The following NEGR1 variants were observed in gnomAD, a reference collection of about 807,000 sequenced individuals.
NEGR1 encodes the protein neuronal growth regulator 1.
In NEGR1, 10 loss-of-function variants were observed where a neutral mutation model predicts 40.9. The ratio of observed to expected loss-of-function variants is 0.24; its 90% CI spans 0.15 to 0.42. The LOEUF is 0.42. Ranked by LOEUF, NEGR1 falls within the 10% of genes least tolerant of loss-of-function variation. The pLI, the probability that NEGR1 is intolerant of heterozygous loss-of-function variation, is 1.00. For synonymous variants in NEGR1, 185 were observed against 166.8 expected, an observed-to-expected ratio of 1.11 and a Z score of -0.84; for missense variants, 352 against 438.9, an observed-to-expected ratio of 0.80 and a Z score of 1.77.
chr1:72,116,641 T>C (rs1196993334), intron 1 of NEGR1, among the ~76,000 whole-genome samples: 1 of 151,762 alleles, frequency 6.6e-6, no homozygotes, highest in Non-Finnish European at 1.5e-5. Context: ...CCTTAAAAAG[T>C]AGTTTTAATT....
intron 4 of NEGR1, among the ~76,000 whole-genome samples, chr1:71,661,677 T>C (rs989238555): frequency 3.9e-5 from 6 of 152,120 alleles, no homozygotes; most frequent in African/African-American, 1.4e-4. Context: ...ATGTGAAAAA[T>C]GAGAATTAGA....
chr1:71,653,253 A>T lies in NEGR1; in HGVS notation c.668-42107T>A, dbSNP rs1044518566. On this transcript the variant is annotated intron_variant, in intron 4 of 6. Transcript: ENST00000357731. ...ACTCTCCTTTTAATCTACAGTCTTTAATTTAACTAAAATACTTGTTGGAAT... is the reference window on the plus strand; with the variant it reads ...ACTCTCCTTTTAATCTACAGTCTTTTATTTAACTAAAATACTTGTTGGAAT... Among the ~76,000 whole-genome samples, 9 of 152,366 alleles carry T rather than the reference A, an allele frequency of 5.9e-5. No homozygotes were observed. In the East Asian group the frequency reaches 1.7e-3, roughly 29 times the overall value.
chr1:71,567,849 A>G (rs542272921), intron 6 of NEGR1, among the ~76,000 whole-genome samples: 7 of 147,832 alleles, frequency 4.7e-5, no homozygotes, highest in Non-Finnish European at 1.0e-4. Flanking sequence ...TTTTTTTTAT[A>G]AGATAGACCC....
chr1:71,944,005 T>C lies in NEGR1; in HGVS notation c.177-8694A>G, dbSNP rs114455408. On this transcript the variant is annotated intron_variant, in intron 1 of 6. Transcript: ENST00000357731. Reference sequence around the variant, plus strand: ...AAGGCTAGCTTTGTTCCAATGGCTTTAAACATGAATTAAGCAGAAAATTTC... The same window carrying C: ...AAGGCTAGCTTTGTTCCAATGGCTTCAAACATGAATTAAGCAGAAAATTTC... Among the ~76,000 whole-genome samples, 1,032 of 152,328 alleles carry C rather than the reference T, an allele frequency of 6.8e-3. 7 individuals carry two copies. The highest frequency in any genetic ancestry group is 0.011 in the Non-Finnish European group (731 of 68,018).
intron 3 of NEGR1, among the ~76,000 whole-genome samples, chr1:71,727,294 A>G (rs1241376243): frequency 1.3e-5 from 2 of 152,116 alleles, no homozygotes; most frequent in Non-Finnish European, 2.9e-5. Flanking sequence ...CATAATTTTA[A>G]TATACCATAT....
rs544168467 is a variant in NEGR1, at chr1:72,233,879, C to T, written c.176+48440G>A. On this transcript the variant is annotated intron_variant, in intron 1 of 6. Coordinates refer to ENST00000357731, the MANE Select transcript of NEGR1 (RefSeq NM_173808.3). ...TTTGAGAAATCTCCAAACTGCCTGCCAAAGTGGCTGAACTAATTTACATTC... is the reference window on the plus strand; with the variant it reads ...TTTGAGAAATCTCCAAACTGCCTGCTAAAGTGGCTGAACTAATTTACATTC... 9.9e-5 allele frequency among the ~76,000 whole-genome samples: 15 copies of T among 152,148 alleles called. 1 individual carries two copies. Among genetic ancestry groups the T allele is most frequent in the Admixed American group, 7.9e-4 (12 of 15,256 alleles).
chr1:71,769,585 G>T (rs1213298574), intron 3 of NEGR1, among the ~76,000 whole-genome samples: 3 of 152,072 alleles, frequency 2.0e-5, no homozygotes, highest in African/African-American at 7.2e-5. Context: ...TTTACTAGGG[G>T]GTTTTCCCCC....
intron 6 of NEGR1, among the ~76,000 whole-genome samples, chr1:71,430,235 G>A (rs1472009992): frequency 2.6e-5 from 4 of 152,058 alleles, no homozygotes; most frequent in East Asian, 1.9e-4. Flanking sequence ...TCAAAGACAC[G>A]TTTCCTTTCT....
At chr1:71,574,681 T>C (rs939166244) in intron 6 of NEGR1, among the ~76,000 whole-genome samples, 1 of 152,174 alleles carries the variant, frequency 6.6e-6, no homozygotes, top group African/African-American at 2.4e-5. Context: ...CACTACAAGA[T>C]ACAGCACATA....
chr1:71,716,750 T>C (rs1404303438), intron 3 of NEGR1, among the ~76,000 whole-genome samples: 1 of 152,198 alleles, frequency 6.6e-6, no homozygotes, highest in African/African-American at 2.4e-5. Flanking sequence ...ACTGCTATCA[T>C]ACATTTTGGA....
intron 1 of NEGR1, among the ~76,000 whole-genome samples, chr1:72,212,004 A>G (rs1570127278): frequency 2.0e-5 from 3 of 152,138 alleles, no homozygotes; most frequent in South Asian, 4.1e-4. Flanking sequence ...ATGTAAGTGT[A>G]GAATACAAAA....
intron 1 of NEGR1, among the ~76,000 whole-genome samples, chr1:71,975,277 TG>T: frequency 1.3e-5 from 2 of 152,274 alleles, no homozygotes; most frequent in South Asian, 4.1e-4. Context: ...TTCTTTCTGG[TG>T]TATTTCTTCT....
At chr1:71,984,845 T>G (rs1437170921) in intron 1 of NEGR1, among the ~76,000 whole-genome samples, 1 of 152,126 alleles carries the variant, frequency 6.6e-6, no homozygotes, top group Non-Finnish European at 1.5e-5. Flanking sequence ...CTGTATAAAC[T>G]TAAGCATGAT....
chr1:71,982,210 A>G (rs1646360218), intron 1 of NEGR1, among the ~76,000 whole-genome samples: 1 of 152,208 alleles, frequency 6.6e-6, no homozygotes, highest in Non-Finnish European at 1.5e-5. Context: ...ACCAAGGCCC[A>G]ATGTAAATAT....
intron 3 of NEGR1, among the ~76,000 whole-genome samples, chr1:71,772,884 TTC>T (rs757732739): frequency 1.8e-3 from 270 of 152,338 alleles, no homozygotes; most frequent in South Asian, 1.7e-3. Context: ...ATACAGAATA[TTC>T]TCTGTTTTAT....
At chr1:72,054,423 T>A (rs1023793923) in intron 1 of NEGR1, among the ~76,000 whole-genome samples, 2 of 151,320 alleles carry the variant, frequency 1.3e-5, no homozygotes, top group African/African-American at 4.8e-5. Flanking sequence ...TGGAACTGAT[T>A]ATTATTCTAC....
intron 1 of NEGR1, among the ~76,000 whole-genome samples, chr1:72,069,658 C>T (rs1394202195): frequency 1.3e-5 from 2 of 152,098 alleles, no homozygotes; most frequent in Non-Finnish European, 2.9e-5. Flanking sequence ...ACAGTAGTTC[C>T]CACTGAAATA....
intron 1 of NEGR1, among the ~76,000 whole-genome samples, chr1:72,052,076 C>T (rs1002337748): frequency 2.2e-4 from 33 of 151,370 alleles, no homozygotes; most frequent in Non-Finnish European, 4.1e-4. Context: ...AGATAGAACC[C>T]TGTGACACTG....
At chr1:71,430,701 GCCT>G (rs1646460052) in intron 6 of NEGR1, among the ~76,000 whole-genome samples, 1 of 118,276 alleles carries the variant, frequency 8.5e-6, no homozygotes, top group Non-Finnish European at 1.6e-5. Context: ...TTAAAAAAAG[GCCT>G]TTTTTTTTTT....
Sources: allele counts gnomAD v4.1 joint callset (sites outside exome capture counted in the v4.1 genomes callset), GRCh38; gene constraint gnomAD v4.1.1; transcripts MANE v1.5; gene names NCBI Gene and HGNC (gene_info 2026-07-23, HGNC 2026-07-21).